AKR1E2: variants seen among roughly 807,000 people sequenced by gnomAD.
AKR1E2 encodes 1,5-anhydro-D-fructose reductase.
Under a neutral mutation model 41.9 loss-of-function variants are expected in AKR1E2, and 43 were observed. The observed-to-expected ratio is 1.03, with a 90% CI of 0.80 to 1.32. The LOEUF (loss-of-function observed/expected upper bound fraction) is 1.32. Among genes scored for constraint, AKR1E2 ranks in the 40% most tolerant of loss-of-function variants. AKR1E2 has a pLI of 0.00. For synonymous variants in AKR1E2, 121 were observed against 138.9 expected, an observed-to-expected ratio of 0.87 and a Z score of 0.91; for missense variants, 423 against 396.5, an observed-to-expected ratio of 1.07 and a Z score of -0.57.
intron 1 of AKR1E2, among the ~76,000 whole-genome samples, chr10:4,828,310 CAA>C (rs1832706501): frequency 6.6e-6 from 1 of 152,162 alleles, no homozygotes; most frequent in Non-Finnish European, 1.5e-5. Flanking sequence ...GGCTGAAGCA[CAA>C]GAGAGCAAGG....
chr10:4,825,383 C>A (rs921737618), upstream of AKR1E2, among the ~76,000 whole-genome samples: 1 of 152,124 alleles, frequency 6.6e-6, no homozygotes, highest in Middle Eastern at 3.4e-3. Flanking sequence ...ATAAGAGGGG[C>A]GTCGGAAGGC....
downstream of AKR1E2, among the ~76,000 whole-genome samples, chr10:4,849,524 G>A (rs760262969): frequency 2.0e-5 from 3 of 152,210 alleles, no homozygotes; most frequent in African/African-American, 7.2e-5. Context: ...CTGCTATTTT[G>A]TGAATTTTCC....
chr10:4,840,763 T>C (rs1833814285), intron 6 of AKR1E2, among the ~76,000 whole-genome samples: 1 of 152,218 alleles, frequency 6.6e-6, no homozygotes, highest in Admixed American at 6.5e-5. Flanking sequence ...CAGTTTCTAA[T>C]TTAAGGTTCA....
At position 4,847,222 on chromosome 10, in the gene AKR1E2, G is replaced by C. The variant is rs879200106; in HGVS notation, c.912G>C (p.Met304Ile). ...TAAACAGGAATCTCCGACTGGCCAT[G>C]TTCCCCATGTAAATATGGCTCCTTC... is the stretch of plus-strand genomic sequence containing the variant. ...LSLNRNLRLAMFPITKNHKDY... is the reference protein window; with the variant it reads ...LSLNRNLRLAIFPITKNHKDY... The change falls in exon 9 of 10, where the codon ATG (methionine) becomes ATC (isoleucine). Residue 304 changes from methionine to isoleucine, a missense_variant. Met to Ile is a conservative substitution (Grantham distance 10). Coordinates refer to ENST00000298375, the MANE Select transcript of AKR1E2 (RefSeq NM_001040177.3). 3.1e-6 allele frequency: 5 copies of C among 1,614,040 alleles called. No homozygotes were observed. In the South Asian group the frequency reaches 4.4e-5, roughly 14 times the overall value.
At chr10:4,826,466 C>A in intron 1 of AKR1E2, 103 bp downstream of exon 1, 1 of 1,072,164 alleles carries the variant, frequency 9.3e-7, no homozygotes, top group Non-Finnish European at 1.2e-6. Flanking sequence ...GTGCGGCGGC[C>A]TCCCCTCCGC....
the AKR1E2 span, among the ~76,000 whole-genome samples, chr10:4,864,015 T>G: frequency 2.6e-5 from 4 of 152,290 alleles, no homozygotes; most frequent in Non-Finnish European, 5.9e-5. Flanking sequence ...GATTCACAGC[T>G]GAATTCTACC....
chr10:4,860,381 C>G, the AKR1E2 span, among the ~76,000 whole-genome samples: 1 of 152,178 alleles, frequency 6.6e-6, no homozygotes, highest in African/African-American at 2.4e-5. Flanking sequence ...TTTTTATAGA[C>G]AGAAGCTGAA....
chr10:4,825,105 T>C (rs1235480493), upstream of AKR1E2: 4 of 435,260 alleles, frequency 9.2e-6, no homozygotes, highest in Non-Finnish European at 1.9e-5. Flanking sequence ...TTCCCACCTG[T>C]GAGGAGCTCA....
intron 2 of AKR1E2, among the ~76,000 whole-genome samples, chr10:4,833,041 T>C (rs1216764730): frequency 6.6e-6 from 1 of 152,176 alleles, no homozygotes; most frequent in Non-Finnish European, 1.5e-5. Flanking sequence ...CCTGCAGGAA[T>C]TTCATTTTCG....
At chr10:4,840,530 C>T (rs895526885) in intron 6 of AKR1E2, among the ~76,000 whole-genome samples, 4 of 152,072 alleles carry the variant, frequency 2.6e-5, no homozygotes, top group African/African-American at 9.7e-5. Context: ...TATCACTTTC[C>T]TGGGAAAAAT....
At chr10:4,827,285 C>A (rs532996379) in intron 1 of AKR1E2, among the ~76,000 whole-genome samples, 1 of 151,694 alleles carries the variant, frequency 6.6e-6, no homozygotes, top group African/African-American at 2.4e-5. Flanking sequence ...ATTAACATAT[C>A]TATCACCTCT....
intron 8 of AKR1E2, among the ~76,000 whole-genome samples, chr10:4,846,868 A>G (rs1222396806): frequency 6.6e-6 from 1 of 152,100 alleles, no homozygotes; most frequent in African/African-American, 2.4e-5. Flanking sequence ...CAATTCCCAT[A>G]TGTCCTTTAT....
Position 4,837,572 on chromosome 10 carries a change from A to G in AKR1E2, c.573A>G (p.Leu191=). Reference sequence around the variant, plus strand: ...AGCCTGGGTTGAGGTTCAAGCCACTAACCAACCAGGTAAGCCGATGGAAGC... The same window carrying G: ...AGCCTGGGTTGAGGTTCAAGCCACTGACCAACCAGGTAAGCCGATGGAAGC... The part of the protein sequence containing the change: ...LNKPGLRFKP[L]TNQIECHPYL... The change falls in exon 5 of 10, where the codon CTA becomes CTG. Residue 191 remains leucine, a synonymous_variant. Transcript: ENST00000298375. 3 of 1,613,408 alleles carry G rather than the reference A, an allele frequency of 1.9e-6. No individual in the cohort carries two copies. Among genetic ancestry groups the G allele is most frequent in the Non-Finnish European group, 2.5e-6 (3 of 1,179,456 alleles).
the AKR1E2 span, among the ~76,000 whole-genome samples, chr10:4,859,282 G>A: frequency 2.1e-3 from 326 of 152,298 alleles, 3 homozygotes; most frequent in African/African-American, 7.7e-3. Context: ...TCTCAACTCT[G>A]TCAGTTGAAA....
At chr10:4,827,541 C>T (rs1357062739) in intron 1 of AKR1E2, among the ~76,000 whole-genome samples, 2 of 151,938 alleles carry the variant, frequency 1.3e-5, no homozygotes, top group Non-Finnish European at 2.9e-5. Flanking sequence ...CTGCTTTGAA[C>T]TTCACAATTC....
At chr10:4,862,319 T>G in the AKR1E2 span, among the ~76,000 whole-genome samples, 1 of 152,228 alleles carries the variant, frequency 6.6e-6, no homozygotes. Context: ...TACCATGCTG[T>G]TTTGGTTACT....
At chr10:4,852,357 T>A (rs773109135), downstream of AKR1E2, among the ~76,000 whole-genome samples, 1 of 152,180 alleles carries the variant, frequency 6.6e-6, no homozygotes, top group Non-Finnish European at 1.5e-5. Flanking sequence ...CTCCTTCTCT[T>A]GTCAAGATAG....
At chr10:4,833,279 T>C in intron 2 of AKR1E2, 71 bp from the exon 3 acceptor site, 1 of 1,229,816 alleles carries the variant, frequency 8.1e-7, no homozygotes, top group Non-Finnish European at 1.2e-6. Context: ...AGTAGCTTTG[T>C]GGGGCTACAG....
intron 2 of AKR1E2, among the ~76,000 whole-genome samples, 162 bp from the exon 3 acceptor site, chr10:4,833,188 G>A (rs1833118020): frequency 6.6e-6 from 1 of 152,170 alleles, no homozygotes; most frequent in Non-Finnish European, 1.5e-5. Context: ...ACTCTTCTGA[G>A]GATAATGTCC....
Sources: gnomAD v4.1 joint callset for allele counts (sites outside exome capture counted in the v4.1 genomes callset) on GRCh38, gnomAD v4.1.1 for gene constraint, MANE v1.5 for transcripts, NCBI Gene and HGNC (gene_info 2026-07-23, HGNC 2026-07-21) for gene names.